FILIP1L: variants seen among roughly 807,000 people sequenced by gnomAD.
FILIP1L encodes the protein filamin A interacting protein 1 like.
A neutral mutation model predicts 96.6 loss-of-function variants in FILIP1L; 55 were observed. That is an observed-to-expected ratio of 0.57 (90% CI 0.46 to 0.71). The LOEUF (loss-of-function observed/expected upper bound fraction) is 0.71. Ranked by LOEUF, FILIP1L falls within the 30% of genes least tolerant of loss-of-function variation. The pLI is 0.00. For synonymous variants in FILIP1L, 467 were observed against 473.9 expected, an observed-to-expected ratio of 0.99 and a Z score of 0.19; for missense variants, 1,304 against 1,321.2, an observed-to-expected ratio of 0.99 and a Z score of 0.20.
At position 99,830,304 on chromosome 3, in the gene FILIP1L, G is replaced by A. The variant is rs1313169335; in HGVS notation, c.*110C>T. On this transcript the variant is annotated 3_prime_UTR_variant, in exon 6 of 6. Coordinates refer to ENST00000477258, the MANE Select transcript of FILIP1L (RefSeq NM_001387850.1). ...GGATGATCTTCATCAGGTCCACAAA[G>A]CTGCTTCACCATTTCCTGGAGAGAT... 5.7e-6 allele frequency: 2 copies of A among 348,314 alleles called. No individual in the cohort carries two copies. The highest frequency in any genetic ancestry group is 1.1e-5 in the Non-Finnish European group (2 of 175,498). The allele number at this position is 348,314 out of a possible 1,614,324, so 21.6% of individuals were successfully genotyped here. A position where few individuals can be genotyped will look rare whatever the true frequency, so the allele number is the denominator to read the frequency against.
chr3:100,002,713 C>T (rs1412509282), intron 1 of FILIP1L, among the ~76,000 whole-genome samples: 1 of 152,162 alleles, frequency 6.6e-6, no homozygotes, highest in African/African-American at 2.4e-5. Context: ...CATGTGGAAA[C>T]GGGGCCTGTG....
chr3:99,844,857 T>G (rs1267565497), intron 5 of FILIP1L, among the ~76,000 whole-genome samples: 1 of 152,182 alleles, frequency 6.6e-6, no homozygotes, highest in Non-Finnish European at 1.5e-5. Context: ...ACTCTCTCGC[T>G]CTCTTGCTGC....
chr3:100,002,248 G>A (rs1318402025), intron 1 of FILIP1L, among the ~76,000 whole-genome samples: 1 of 152,150 alleles, frequency 6.6e-6, no homozygotes, highest in Non-Finnish European at 1.5e-5. Context: ...TTAGAGTTAG[G>A]TTAGAGCATC....
At chr3:100,095,514 G>A (rs1212828539) in intron 1 of FILIP1L, among the ~76,000 whole-genome samples, 1 of 151,880 alleles carries the variant, frequency 6.6e-6, no homozygotes, top group Non-Finnish European at 1.5e-5. Flanking sequence ...AACATGCATT[G>A]GAGAAAAGAC....
chr3:99,838,148 A>T (rs1204954713), intron 5 of FILIP1L, among the ~76,000 whole-genome samples: 2 of 152,224 alleles, frequency 1.3e-5, no homozygotes, highest in Admixed American at 1.3e-4. Flanking sequence ...GATAAAGTGG[A>T]CACTGACTGC....
rs1014465834 is a variant in FILIP1L at position 99,845,304 on chromosome 3, G to A, written c.3381+2991C>T. ...TAGAAAAAACATGATAAAATCATTC[G>A]AATCTGTGATAGGATTCTACCTTTT... On this transcript the variant is annotated intron_variant, in intron 5 of 5. Transcript: ENST00000477258. Among the ~76,000 whole-genome samples, 8 of 152,106 alleles carry A rather than the reference G, an allele frequency of 5.3e-5. No homozygotes were observed. The East Asian group carries it at 1.2e-3, about 22-fold the overall frequency.
chr3:99,877,314 T>C (rs957808310), intron 4 of FILIP1L, among the ~76,000 whole-genome samples: 3 of 152,216 alleles, frequency 2.0e-5, no homozygotes, highest in Non-Finnish European at 4.4e-5. Context: ...TGTTTCCATA[T>C]GTTTTGTCAA....
At chr3:100,100,200 A>G (rs146815715) in intron 1 of FILIP1L, among the ~76,000 whole-genome samples, 1 of 152,270 alleles carries the variant, frequency 6.6e-6, no homozygotes, top group African/African-American at 2.4e-5. Context: ...TGGGGGCACA[A>G]GTAGCCTTCT....
At chr3:99,868,221 T>C (rs1944616547) in intron 4 of FILIP1L, among the ~76,000 whole-genome samples, 2 of 152,194 alleles carry the variant, frequency 1.3e-5, no homozygotes, top group Non-Finnish European at 2.9e-5. Flanking sequence ...CTTGTGGGTT[T>C]CTCACAGGAG....
chr3:99,850,444 T>G lies in FILIP1L; in HGVS notation c.1232A>C (p.Lys411Thr), dbSNP rs764868770. The change falls in exon 5 of 6, where the codon AAA becomes ACA. Residue 411 changes from lysine (K) to threonine (T), a missense_variant. Transcript: ENST00000477258. ...TTTTTCAACCTCTAGTTTAAAGTCT[T>G]TACTCTGTAACGTCTCCCTTTCAAG... The part of the protein sequence containing the change: ...KRLERETLQS[K>T]DFKLEVEKLS... The G allele has an allele frequency of 6.2e-7, 1 of 1,613,952 alleles. No individual in the cohort carries two copies. Among genetic ancestry groups the G allele is most frequent in the African/African-American group, 1.3e-5 (1 of 74,918 alleles).
At chr3:99,929,405 C>A (rs926982681) in intron 3 of FILIP1L, among the ~76,000 whole-genome samples, 1 of 152,186 alleles carries the variant, frequency 6.6e-6, no homozygotes, top group Non-Finnish European at 1.5e-5. Context: ...TATTTCCATT[C>A]ATGTTCAAAA....
At chr3:100,044,840 G>A (rs1366263567) in intron 1 of FILIP1L, among the ~76,000 whole-genome samples, 1 of 152,184 alleles carries the variant, frequency 6.6e-6, no homozygotes, top group Non-Finnish European at 1.5e-5. Context: ...AGTGGTTAAT[G>A]GCTCCAAAAC....
At chr3:99,913,563 A>C (rs906965895) in intron 4 of FILIP1L, among the ~76,000 whole-genome samples, 4 of 152,238 alleles carry the variant, frequency 2.6e-5, no homozygotes, top group African/African-American at 9.6e-5. Context: ...AATGAATTGC[A>C]TCTATAAAAT....
At chr3:100,095,317 G>T (rs1334866264) in intron 1 of FILIP1L, among the ~76,000 whole-genome samples, 7 of 152,004 alleles carry the variant, frequency 4.6e-5, no homozygotes, top group Admixed American at 3.3e-4. Context: ...ATATCAATTA[G>T]GGATAAATCG....
At chr3:100,043,603 G>A (rs1206127393) in intron 1 of FILIP1L, among the ~76,000 whole-genome samples, 1 of 152,106 alleles carries the variant, frequency 6.6e-6, no homozygotes, top group Non-Finnish European at 1.5e-5. Flanking sequence ...GAGTCAGTTA[G>A]GACATGGAGA....
At position 99,850,587 on chromosome 3, in the gene FILIP1L, A is replaced by G; in HGVS notation, c.1089T>C (p.Tyr363=). 1 of 1,613,464 alleles carries G rather than the reference A, an allele frequency of 6.2e-7. No individual in the cohort carries two copies. The highest frequency in any genetic ancestry group is 8.5e-7 in the Non-Finnish European group (1 of 1,179,966). ...DIKEKISKGE[Y]GNAGIMAEVE... ...CTTCAGCCATGATACCAGCGTTTCC[A>G]TATTCTCCCTTACTGATTTTTTCTT... Residue 363 remains tyrosine (Y), a synonymous_variant, in exon 5 of 6, where the codon TAT becomes TAC. Coordinates refer to ENST00000477258, the MANE Select transcript of FILIP1L (RefSeq NM_001387850.1).
intron 1 of FILIP1L, among the ~76,000 whole-genome samples, chr3:100,048,839 A>G (rs1353323071): frequency 6.6e-6 from 1 of 152,218 alleles, no homozygotes; most frequent in Non-Finnish European, 1.5e-5. Context: ...ACTCTTTAAA[A>G]AAAAATCTGT....
chr3:99,952,207 A>T (rs1708198376), intron 1 of FILIP1L, among the ~76,000 whole-genome samples: 1 of 152,056 alleles, frequency 6.6e-6, no homozygotes, highest in South Asian at 2.1e-4. Context: ...ATAAGGGTCA[A>T]TTTCTATTTG....
At chr3:99,879,705 A>G (rs1405857816) in intron 4 of FILIP1L, among the ~76,000 whole-genome samples, 1 of 152,196 alleles carries the variant, frequency 6.6e-6, no homozygotes, top group Non-Finnish European at 1.5e-5. Context: ...GCTTTGAGCT[A>G]TGAGATGGTA....
Sources: allele counts gnomAD v4.1 joint callset (sites outside exome capture counted in the v4.1 genomes callset), GRCh38; gene constraint gnomAD v4.1.1; transcripts MANE v1.5; gene names NCBI Gene and HGNC (gene_info 2026-07-23, HGNC 2026-07-21).